The following OTUD7A variants were observed in gnomAD, a reference collection of about 807,000 sequenced individuals.
OTUD7A encodes OTU deubiquitinase 7A.
OTUD7A carries 12 observed loss-of-function variants against 65.7 expected under a neutral mutation model. The observed-to-expected ratio is 0.18, with a 90% CI of 0.12 to 0.30. OTUD7A has a LOEUF of 0.30. OTUD7A is among the 10% of genes least tolerant of loss of function. The pLI is 1.00. For missense variants in OTUD7A, 1,148 were observed against 1,304.8 expected (o/e 0.88, Z 1.85); for synonymous variants, 641 against 586.3 (o/e 1.09, Z -1.35).
At chr15:31,636,231 C>A (rs1891338486) in intron 3 of OTUD7A, among the ~76,000 whole-genome samples, 2 of 152,188 alleles carry the variant, frequency 1.3e-5, no homozygotes, top group African/African-American at 4.8e-5. Flanking sequence ...AAACAGCATG[C>A]ACTCACTGTG....
chr15:31,488,078 G>C (rs1272641099), intron 10 of OTUD7A, among the ~76,000 whole-genome samples: 1 of 152,162 alleles, frequency 6.6e-6, no homozygotes, highest in East Asian at 1.9e-4. Flanking sequence ...CCCTGCCCGT[G>C]GGAAGCTCAC....
chr15:31,766,956 C>T lies in OTUD7A; in HGVS notation c.-100+103551G>A. 2.5e-6 allele frequency: 4 copies of T among 1,611,768 alleles called. No individual in the cohort carries two copies. In the South Asian group the frequency reaches 3.3e-5, roughly 13 times the overall value. On this transcript the variant is annotated intron_variant, in intron 1 of 12. Transcript: ENST00000307050. ...GTTTGCTGTTAGAGGATAGATCACG[C>T]ATACTACTTAACCCTATTAAATTAT...
chr15:31,493,666 G>A (rs1254384958), intron 10 of OTUD7A, among the ~76,000 whole-genome samples: 1 of 152,192 alleles, frequency 6.6e-6, no homozygotes, highest in East Asian at 1.9e-4. Context: ...TGATGTTTGT[G>A]CTCATGTCAT....
At chr15:31,742,002 C>A (rs1894357892) in intron 1 of OTUD7A, among the ~76,000 whole-genome samples, 1 of 151,980 alleles carries the variant, frequency 6.6e-6, no homozygotes, top group Admixed American at 6.5e-5. Context: ...ATAAAACTTA[C>A]CAAGGCTGAT....
chr15:31,598,236 C>T (rs938384164), intron 3 of OTUD7A, among the ~76,000 whole-genome samples: 2 of 152,220 alleles, frequency 1.3e-5, no homozygotes, highest in Non-Finnish European at 2.9e-5. Flanking sequence ...AGAACAACTC[C>T]AGTGTGCAGT....
rs1012530838 is a variant in OTUD7A at position 31,617,873 on chromosome 15, C to T, written c.151+37223G>A. On this transcript the variant is annotated intron_variant, in intron 3 of 12. Coordinates refer to ENST00000307050, the MANE Select transcript of OTUD7A (RefSeq NM_001382637.1). The stretch of plus-strand genomic sequence containing the variant: ...ATACATGTGCCATGTTGGTGTGCTG[C>T]ACCCATTAATTCGTCATTCACATTA... 1.7e-4 allele frequency among the ~76,000 whole-genome samples: 26 copies of T among 152,030 alleles called. 1 individual carries two copies. Among genetic ancestry groups the T allele is most frequent in the Non-Finnish European group, 3.7e-4 (25 of 68,028 alleles).
Position 31,477,224 on chromosome 15 carries a change from G to A in OTUD7A, c.*6070C>T, listed in dbSNP as rs1372869403. 1 of 152,388 alleles carries A rather than the reference G, an allele frequency of 6.6e-6. No homozygotes were observed. The highest frequency in any genetic ancestry group is 1.5e-5 in the Non-Finnish European group (1 of 68,150). 9.4% of individuals were successfully genotyped at this position (152,388 alleles called of 1,614,324 possible). A position where few individuals can be genotyped will look rare whatever the true frequency, so the allele number is the denominator to read the frequency against. On this transcript the variant is annotated 3_prime_UTR_variant, in exon 13 of 13. Transcript: ENST00000307050. ...GGAGGATGAGTCCTTCTAATGGTCA[G>A]GTGGACTTTCCCTGGGCTGGGCCAT...
In OTUD7A at chr15:31,487,603, G is replaced by T; in HGVS notation, c.1172-37C>A. 1 of 1,564,244 alleles carries T rather than the reference G, an allele frequency of 6.4e-7. No individual in the cohort carries two copies. ...GAGACAGAGCCGTGCTTGGAGCCCC[G>T]GCAGTCCCCAGGCAGGATGGCAAGG... On this transcript the variant is annotated intron_variant, in intron 10 of 12. Transcript: ENST00000307050. This position sits in a 1 kb window ranked among gnomAD's most constrained non-coding sequence, Gnocchi z 6.0.
rs117113591 is a variant in OTUD7A, at chr15:31,781,003, T to G, written c.-100+89504A>C. 2.8e-3 allele frequency among the ~76,000 whole-genome samples: 430 copies of G among 152,354 alleles called. 1 individual carries two copies. Among genetic ancestry groups the G allele is most frequent in the East Asian group, 0.018 (95 of 5,188 alleles). ...TGGGTTTATACATCGGCCTCTTGTT[T>G]AGTCAGTTAAATAATGGCCCTTGTG... On this transcript the variant is annotated intron_variant, in intron 1 of 12. Transcript: ENST00000307050.
intron 10 of OTUD7A, among the ~76,000 whole-genome samples, chr15:31,489,917 C>G (rs754658342): frequency 2.6e-5 from 4 of 152,240 alleles, no homozygotes; most frequent in Non-Finnish European, 5.9e-5. Context: ...GGTCCAGCAG[C>G]CTTGCGGCCT....
intron 3 of OTUD7A, among the ~76,000 whole-genome samples, chr15:31,602,507 G>A (rs1236019432): frequency 6.6e-6 from 1 of 152,104 alleles, no homozygotes; most frequent in Non-Finnish European, 1.5e-5. Context: ...CATACTGAAT[G>A]GGCAAAAACT....
intron 3 of OTUD7A, among the ~76,000 whole-genome samples, chr15:31,633,732 A>G (rs1437720759): frequency 6.6e-6 from 1 of 151,908 alleles, no homozygotes; most frequent in East Asian, 1.9e-4. Context: ...CTCTAACCCA[A>G]CGAATTACAA....
intron 1 of OTUD7A, among the ~76,000 whole-genome samples, chr15:31,784,304 C>T (rs1895615278): frequency 6.6e-6 from 1 of 152,180 alleles, no homozygotes; most frequent in Non-Finnish European, 1.5e-5. Context: ...CCTCCCCTTT[C>T]CAACTACATA....
At chr15:31,617,270 C>T (rs1017136078) in intron 3 of OTUD7A, among the ~76,000 whole-genome samples, 13 of 152,072 alleles carry the variant, frequency 8.5e-5, no homozygotes, top group East Asian at 1.9e-4. Flanking sequence ...GGATGGATCA[C>T]GAGGTCAAGA....
At chr15:31,590,380 T>C (rs371368474) in intron 3 of OTUD7A, among the ~76,000 whole-genome samples, 1 of 152,236 alleles carries the variant, frequency 6.6e-6, no homozygotes, top group Non-Finnish European at 1.5e-5. Context: ...AATGACTATA[T>C]ATGTGTGTGT....
At chr15:31,773,486 G>A (rs577226750) in intron 1 of OTUD7A, among the ~76,000 whole-genome samples, 1 of 152,280 alleles carries the variant, frequency 6.6e-6, no homozygotes, top group African/African-American at 2.4e-5. Flanking sequence ...CGTTATGAGG[G>A]CACTAATCTC....
At position 31,475,583 on chromosome 15, in the gene OTUD7A, A is replaced by T. The variant is rs1303689546; in HGVS notation, c.*7711T>A. 6.6e-6 allele frequency: 1 copy of T among 152,264 alleles called. No homozygotes were observed. Among genetic ancestry groups the T allele is most frequent in the Non-Finnish European group, 1.5e-5 (1 of 68,050 alleles). 9.4% of individuals were successfully genotyped at this position (152,264 alleles called of 1,614,324 possible). On this transcript the variant is annotated 3_prime_UTR_variant, in exon 13 of 13. Coordinates refer to ENST00000307050, the MANE Select transcript of OTUD7A (RefSeq NM_001382637.1). ...TAGTCATTACTGGAAGTTTTCCAAA[A>T]TGAAAGCAAGATTTACTACATATTG... is the stretch of plus-strand genomic sequence containing the variant.
intron 10 of OTUD7A, among the ~76,000 whole-genome samples, chr15:31,497,395 A>G (rs138522918): frequency 0.05 from 7,657 of 151,986 alleles, 653 homozygotes; most frequent in African/African-American, 0.18. Context: ...GATTACAGGC[A>G]CATGCTGCCA....
At chr15:31,743,653 T>A (rs1163444437) in intron 1 of OTUD7A, among the ~76,000 whole-genome samples, 1 of 151,908 alleles carries the variant, frequency 6.6e-6, no homozygotes, top group Non-Finnish European at 1.5e-5. Flanking sequence ...ATGCCTGTAA[T>A]CCCAGCACTT....
Sources: gnomAD v4.1 joint callset for allele counts (sites outside exome capture counted in the v4.1 genomes callset) on GRCh38, gnomAD v4.1.1 for gene constraint, Gnocchi (gnomAD v3.1) non-coding constraint, MANE v1.5 for transcripts, NCBI Gene and HGNC (gene_info 2026-07-23, HGNC 2026-07-21) for gene names.